Variants in KLHL4 observed in about 807,000 individuals in gnomAD.
KLHL4 encodes the protein kelch like family member 4.
A neutral mutation model predicts 45.8 loss-of-function variants in KLHL4; 17 were observed. The observed-to-expected ratio is 0.37, with a 90% CI of 0.25 to 0.56. KLHL4 has a LOEUF of 0.56. Ranked by LOEUF, KLHL4 falls within the 20% of genes least tolerant of loss-of-function variation. KLHL4 has a pLI of 0.79. For synonymous variants in KLHL4, 224 were observed against 189.9 expected (o/e 1.18, Z -1.47); for missense variants, 544 against 544.9 (o/e 1.00, Z 0.02).
chrX:87,650,034 T>C (rs1420964569), intron 9 of KLHL4, among the ~76,000 whole-genome samples: 1 of 111,545 alleles, frequency 9.0e-6, no homozygotes, highest in East Asian at 2.8e-4. Flanking sequence ...TGAATTTTTC[T>C]ATTTCTGCCA....
chrX:87,617,953 A>G lies in KLHL4; in HGVS notation c.749A>G (p.Asp250Gly), dbSNP rs1922615859. ...CTAGGAGTCCTGCAATTGAAAGAAG[A>G]TACCATTGAAAGTTTGCTGGCTGCA... ...AYTGVLQLKE[D>G]TIESLLAAAC... The change falls in exon 4 of 11, where the codon GAT (aspartate) becomes GGT (glycine). Residue 250 changes from aspartate (D) to glycine (G), a missense_variant. Asp to Gly is a moderately conservative substitution (Grantham distance 94). Coordinates refer to ENST00000373119, the MANE Select transcript of KLHL4 (RefSeq NM_019117.5). 1 of 1,208,029 alleles carries G rather than the reference A, an allele frequency of 8.3e-7. No homozygotes were observed. The highest frequency in any genetic ancestry group is 1.8e-5 in the South Asian group (1 of 56,546).
At chrX:87,608,834 C>T (rs749417102) in intron 1 of KLHL4, among the ~76,000 whole-genome samples, 5 of 110,844 alleles carry the variant, frequency 4.5e-5, no homozygotes, top group Non-Finnish European at 9.4e-5. Flanking sequence ...CATATGTATA[C>T]ATGTGCCATG....
chrX:87,668,582 G>A lies in KLHL4; in HGVS notation c.*2048G>A. Reference sequence around the variant, plus strand: ...ACTTAACTCCTAATGTAGCAGTACTGAGAGGCAGGGCCCTTAAGAGGTGAT... The same window carrying A: ...ACTTAACTCCTAATGTAGCAGTACTAAGAGGCAGGGCCCTTAAGAGGTGAT... On this transcript the variant is annotated 3_prime_UTR_variant, in exon 11 of 11. Coordinates refer to ENST00000373119, the MANE Select transcript of KLHL4 (RefSeq NM_019117.5). The A allele has an allele frequency of 4.1e-6, 2 of 482,990 alleles. No homozygotes were observed. The highest frequency in any genetic ancestry group is 2.6e-5 in the African/African-American group (1 of 38,520). The allele number at this position is 482,990 out of a possible 1,213,427, so 39.8% of individuals were successfully genotyped here. A position where few individuals can be genotyped will look rare whatever the true frequency, so the allele number is the denominator to read the frequency against.
chrX:87,622,175 A>G (rs1292701766), intron 4 of KLHL4, 36 bp from the exon 5 acceptor site: 5 of 981,158 alleles, frequency 5.1e-6, no homozygotes, highest in Non-Finnish European at 7.2e-6. Context: ...AAATTTCTAA[A>G]GTGCAAAGTT....
intron 1 of KLHL4, among the ~76,000 whole-genome samples, chrX:87,545,154 G>T (rs1352262494): frequency 8.9e-6 from 1 of 112,532 alleles, no homozygotes; most frequent in African/African-American, 3.2e-5. Flanking sequence ...AATGCAATTG[G>T]CATACTGAAG....
At chrX:87,644,079 G>A (rs1184934164) in intron 9 of KLHL4, among the ~76,000 whole-genome samples, 1 of 111,025 alleles carries the variant, frequency 9.0e-6, no homozygotes, top group Non-Finnish European at 1.9e-5. Flanking sequence ...AGGAATAAAG[G>A]GCATCCAAAT....
intron 8 of KLHL4, among the ~76,000 whole-genome samples, chrX:87,634,381 C>T (rs1354034049): frequency 7.2e-5 from 8 of 111,604 alleles, no homozygotes; most frequent in African/African-American, 2.6e-4. Flanking sequence ...CTCACCCTTC[C>T]TGAATATTTA....
chrX:87,545,341 G>A (rs12559831), intron 1 of KLHL4, among the ~76,000 whole-genome samples: 4,701 of 111,357 alleles, frequency 0.042, 95 homozygotes, highest in Middle Eastern at 0.12. Context: ...GGTGGGAGGT[G>A]ATTGGATATT....
chrX:87,544,338 CGACAGTAGTCCCTGTCAACCA>C (rs1569337903), intron 1 of KLHL4, among the ~76,000 whole-genome samples: 1 of 111,493 alleles, frequency 9.0e-6, no homozygotes, highest in Non-Finnish European at 1.9e-5. Context: ...TAAAGAGTTT[CGACAGTAGTCCCTGTCAACCA>C]GACAGTACTC....
intron 1 of KLHL4, among the ~76,000 whole-genome samples, chrX:87,603,372 T>A (rs1416297857): frequency 9.0e-6 from 1 of 111,086 alleles, no homozygotes; most frequent in Non-Finnish European, 1.9e-5. Flanking sequence ...CACCACAATT[T>A]TAATTAGCAT....
intron 9 of KLHL4, among the ~76,000 whole-genome samples, chrX:87,636,466 G>A (rs1225950727): frequency 8.9e-6 from 1 of 111,845 alleles, no homozygotes; most frequent in Non-Finnish European, 1.9e-5. Context: ...TAACAGGAAA[G>A]TCAAGAGAAT....
chrX:87,561,150 G>A, intron 1 of KLHL4, among the ~76,000 whole-genome samples: 1 of 111,071 alleles, frequency 9.0e-6, no homozygotes. Context: ...TGATGGTCTC[G>A]CCTCCCCTGC....
chrX:87,653,004 G>A (rs193100127), intron 9 of KLHL4, among the ~76,000 whole-genome samples: 187 of 111,937 alleles, frequency 1.7e-3, no homozygotes, highest in African/African-American at 5.7e-3. Context: ...AGAGAGCCAA[G>A]CAAAATGAGT....
intron 1 of KLHL4, among the ~76,000 whole-genome samples, chrX:87,571,220 A>G (rs780779618): frequency 8.1e-5 from 9 of 110,917 alleles, no homozygotes; most frequent in South Asian, 3.7e-4. Context: ...TATGCATTTT[A>G]TAGTTTTAGA....
At chrX:87,588,645 A>G (rs888229615) in intron 1 of KLHL4, among the ~76,000 whole-genome samples, 8 of 111,528 alleles carry the variant, frequency 7.2e-5, no homozygotes, top group African/African-American at 6.5e-5. Flanking sequence ...AAAAAAATCA[A>G]AGCAACATGG....
intron 9 of KLHL4, among the ~76,000 whole-genome samples, chrX:87,647,735 T>G (rs777910072): frequency 1.8e-5 from 2 of 110,464 alleles, no homozygotes; most frequent in African/African-American, 6.6e-5. Flanking sequence ...GAGGAAAGGG[T>G]GGGAGTAGGG....
At chrX:87,631,039 G>A (rs1232237320) in intron 6 of KLHL4, among the ~76,000 whole-genome samples, 1 of 111,642 alleles carries the variant, frequency 9.0e-6, no homozygotes, top group Non-Finnish European at 1.9e-5. Context: ...GAGCTGGTGA[G>A]GAGGTGGTGC....
chrX:87,541,006 T>A (rs1164202591), intron 1 of KLHL4, among the ~76,000 whole-genome samples: 1 of 110,870 alleles, frequency 9.0e-6, no homozygotes, highest in African/African-American at 3.3e-5. Flanking sequence ...CAGTCCATTG[T>A]TGACTGAAAC....
intron 9 of KLHL4, among the ~76,000 whole-genome samples, chrX:87,649,821 T>C (rs1923749477): frequency 9.0e-6 from 1 of 111,399 alleles, no homozygotes; most frequent in African/African-American, 3.3e-5. Context: ...TTTTTGACCA[T>C]ATATGTAAGG....
Sources: allele counts gnomAD v4.1 joint callset (sites outside exome capture counted in the v4.1 genomes callset), GRCh38; gene constraint gnomAD v4.1.1; transcripts MANE v1.5; gene names NCBI Gene and HGNC (gene_info 2026-07-23, HGNC 2026-07-21).